CRMP1: variants seen among roughly 807,000 people sequenced by gnomAD.
CRMP1 encodes dihydropyrimidinase-related protein 1.
Under a neutral mutation model 68.3 loss-of-function variants are expected in CRMP1, and 19 were observed. The observed-to-expected ratio is 0.28, with a 90% CI of 0.19 to 0.41. CRMP1 has a LOEUF of 0.41. Ranked by LOEUF, CRMP1 falls within the 10% of genes least tolerant of loss-of-function variation. The pLI is 1.00. For synonymous variants in CRMP1, 439 were observed against 399.6 expected (o/e 1.10, Z -1.18); for missense variants, 791 against 967.4 (o/e 0.82, Z 2.42).
intron 6 of CRMP1, among the ~76,000 whole-genome samples, chr4:5,844,118 C>A (rs527593913): frequency 6.6e-6 from 1 of 152,052 alleles, no homozygotes; most frequent in Non-Finnish European, 1.5e-5. Context: ...CTCAACTGCG[C>A]GTCTATGGTT....
chr4:5,850,383 G>A lies in CRMP1; in HGVS notation c.883-911C>T, dbSNP rs1375284489. The stretch of plus-strand genomic sequence containing the variant: ...GCACATCACATGCTATGTTTTCTAT[G>A]TAACTGAACCAATTTTCAGCTCTTT... On this transcript the variant is annotated intron_variant, in intron 5 of 13. Coordinates refer to ENST00000324989, the MANE Select transcript of CRMP1 (RefSeq NM_001014809.3). This position sits in a 1 kb window ranked among gnomAD's most constrained non-coding sequence, Gnocchi z 4.4. 6.6e-6 allele frequency among the ~76,000 whole-genome samples: 1 copy of A among 152,198 alleles called. No homozygotes were observed. The highest frequency in any genetic ancestry group is 1.5e-5 in the Non-Finnish European group (1 of 68,034).
Position 5,821,604 on chromosome 4 carries a change from C to T in CRMP1, c.*156G>A. 1.4e-6 allele frequency: 1 copy of T among 711,822 alleles called. No homozygotes were observed. The highest frequency in any genetic ancestry group is 2.3e-6 in the Non-Finnish European group (1 of 429,244). 44.1% of individuals were successfully genotyped at this position (711,822 alleles called of 1,614,324 possible). On this transcript the variant is annotated 3_prime_UTR_variant, in exon 14 of 14. Transcript: ENST00000324989. The surrounding 1 kb of genome is among the most constrained non-coding windows in gnomAD (Gnocchi z 4.4). ...CCAAGCAAACACACCACACTAGTACCACTTCTTCCTAAACAGAAAAGGGAA... is the reference window on the plus strand; with the variant it reads ...CCAAGCAAACACACCACACTAGTACTACTTCTTCCTAAACAGAAAAGGGAA...
In CRMP1 at chr4:5,889,909, G is replaced by A; in HGVS notation, c.381+2680C>T. On this transcript the variant is annotated intron_variant, in intron 1 of 13. Transcript: ENST00000324989. The surrounding 1 kb of genome is among the most constrained non-coding windows in gnomAD (Gnocchi z 4.5). ...CAGCTCAGTATCCCAGGAACACTAG[G>A]CATAATTTTCCCATTTTACAGACAG... The A allele has an allele frequency of 7.2e-7, 1 of 1,394,922 alleles. No homozygotes were observed. 86.4% of individuals were successfully genotyped at this position (1,394,922 alleles called of 1,614,324 possible).
chr4:5,830,712 T>C (rs1159530068), intron 11 of CRMP1, among the ~76,000 whole-genome samples: 2 of 152,240 alleles, frequency 1.3e-5, no homozygotes, highest in African/African-American at 2.4e-5. Context: ...TGCAGCTTTA[T>C]GACACGTTTT....
chr4:5,848,520 C>T (rs372005865), intron 6 of CRMP1, among the ~76,000 whole-genome samples: 23 of 152,348 alleles, frequency 1.5e-4, no homozygotes, highest in East Asian at 1.2e-3. Flanking sequence ...AAATTCTCCA[C>T]TCCACAGCTA....
At position 5,834,539 on chromosome 4, in the gene CRMP1, G is replaced by A. The variant is rs1159483419; in HGVS notation, c.1623+1376C>T. Among the ~76,000 whole-genome samples the A allele has an allele frequency of 2.0e-5, 3 of 152,138 alleles. No individual in the cohort carries two copies. The highest frequency in any genetic ancestry group is 4.4e-5 in the Non-Finnish European group (3 of 68,044). On this transcript the variant is annotated intron_variant, in intron 11 of 13. Transcript: ENST00000324989. The surrounding 1 kb of genome is among the most constrained non-coding windows in gnomAD (Gnocchi z 4.3). ...TGAAATTCCCAGCCTCCAGAACCGT[G>A]AGCCACATAAATTTATTTTCTTATA...
chr4:5,849,380 C>G lies in CRMP1; in HGVS notation c.963+12G>C. ...GACTGAGGTAGAAGGAGTGGAAATT[C>G]TTGCCACTCACCTGAGCTATCAAAT... is the stretch of plus-strand genomic sequence containing the variant. On this transcript the variant is annotated intron_variant, in intron 6 of 13. Coordinates refer to ENST00000324989, the MANE Select transcript of CRMP1 (RefSeq NM_001014809.3). 7 of 1,606,570 alleles carry G rather than the reference C, an allele frequency of 4.4e-6. No homozygotes were observed. The highest frequency in any genetic ancestry group is 6.0e-6 in the Non-Finnish European group (7 of 1,173,540).
chr4:5,842,075 T>C lies in CRMP1; in HGVS notation c.1033-647A>G, dbSNP rs1711771721. On this transcript the variant is annotated intron_variant, in intron 7 of 13. Coordinates refer to ENST00000324989, the MANE Select transcript of CRMP1 (RefSeq NM_001014809.3). This position sits in a 1 kb window ranked among gnomAD's most constrained non-coding sequence, Gnocchi z 4.5. ...TAACACGGTGAAACCCTGTCTCTAC[T>C]GAAAATACAAAAAATTAGCCAGTGT... Among the ~76,000 whole-genome samples, 1 of 152,074 alleles carries C rather than the reference T, an allele frequency of 6.6e-6. No homozygotes were observed. Among genetic ancestry groups the C allele is most frequent in the African/African-American group, 2.4e-5 (1 of 41,430 alleles).
At chr4:5,849,327 A>C in intron 6 of CRMP1, 65 bp downstream of exon 6, 1 of 1,367,104 alleles carries the variant, frequency 7.3e-7, no homozygotes. Flanking sequence ...ATGCTCTTTT[A>C]TCAAACCTTT....
Position 5,889,861 on chromosome 4 carries a change from AG to A in CRMP1, c.381+2727del. On this transcript the variant is annotated intron_variant, in intron 1 of 13. Coordinates refer to ENST00000324989, the MANE Select transcript of CRMP1 (RefSeq NM_001014809.3). The surrounding 1 kb of genome is among the most constrained non-coding windows in gnomAD (Gnocchi z 4.5). ...ACACCTGGGCCTTAAAATAGAGGTGAGGTTTTAGCTTCACAGAGAAGCCAGC... is the reference window on the plus strand; with the variant it reads ...ACACCTGGGCCTTAAAATAGAGGTGAGTTTTAGCTTCACAGAGAAGCCAGC... 1 of 1,437,570 alleles carries A rather than the reference AG, an allele frequency of 7.0e-7. No individual in the cohort carries two copies. Among genetic ancestry groups the A allele is most frequent in the Non-Finnish European group, 9.1e-7 (1 of 1,098,884 alleles). The allele number at this position is 1,437,570 out of a possible 1,614,324, so 89.1% of individuals were successfully genotyped here. A position where few individuals can be genotyped will look rare whatever the true frequency, so the allele number is the denominator to read the frequency against.
Position 5,870,563 on chromosome 4 carries a change from G to A in CRMP1, c.382-3807C>T, listed in dbSNP as rs932583226. Among the ~76,000 whole-genome samples the A allele has an allele frequency of 1.3e-5, 2 of 152,216 alleles. No individual in the cohort carries two copies. Among genetic ancestry groups the A allele is most frequent in the African/African-American group, 4.8e-5 (2 of 41,462 alleles). On this transcript the variant is annotated intron_variant, in intron 1 of 13. Transcript: ENST00000324989. This position sits in a 1 kb window ranked among gnomAD's most constrained non-coding sequence, Gnocchi z 6.0. Reference sequence around the variant, plus strand: ...TCTCCGGCATCTTGGACACAGCCTGGCTGGCTGCCTGGGTGACTGAACTGA... The same window carrying A: ...TCTCCGGCATCTTGGACACAGCCTGACTGGCTGCCTGGGTGACTGAACTGA...
rs1038637993 is a variant in CRMP1 at position 5,825,396 on chromosome 4, G to A, written c.1969+98C>T. ...ACTCCCTTCCCTGCTTCTTCATCTA[G>A]TGTCCAAGGCCACGTGTCCATTTCC... On this transcript the variant is annotated intron_variant, in intron 13 of 13. Coordinates refer to ENST00000324989, the MANE Select transcript of CRMP1 (RefSeq NM_001014809.3). This position sits in a 1 kb window ranked among gnomAD's most constrained non-coding sequence, Gnocchi z 4.4. The A allele has an allele frequency of 6.8e-6, 10 of 1,470,454 alleles. No homozygotes were observed. In the African/African-American group the frequency reaches 1.5e-4, roughly 21 times the overall value. The allele number at this position is 1,470,454 out of a possible 1,614,324, so 91.1% of individuals were successfully genotyped here.
intron 1 of CRMP1, among the ~76,000 whole-genome samples, chr4:5,868,265 A>ATATCTATATATC (rs1553907501): frequency 1.6e-4 from 2 of 12,822 alleles, no homozygotes; most frequent in Non-Finnish European, 4.6e-4. Flanking sequence ...ATATATCTAT[A>ATATCTATATATC]TATATATATA....
chr4:5,891,553 T>C lies in CRMP1; in HGVS notation c.381+1036A>G, dbSNP rs1301932861. 6.6e-6 allele frequency among the ~76,000 whole-genome samples: 1 copy of C among 152,242 alleles called. No individual in the cohort carries two copies. The highest frequency in any genetic ancestry group is 1.9e-4 in the East Asian group (1 of 5,188). On this transcript the variant is annotated intron_variant, in intron 1 of 13. Coordinates refer to ENST00000324989, the MANE Select transcript of CRMP1 (RefSeq NM_001014809.3). The surrounding 1 kb of genome is among the most constrained non-coding windows in gnomAD (Gnocchi z 5.2). ...CTCACAATGAATCCGTCGCTCACCC[T>C]AGCCTGGGAACTTCTGGAGGGTGGG...
At chr4:5,875,753 A>T (rs1431714444) in intron 1 of CRMP1, among the ~76,000 whole-genome samples, 1 of 152,122 alleles carries the variant, frequency 6.6e-6, no homozygotes, top group Non-Finnish European at 1.5e-5. Context: ...ACATGGACAC[A>T]GAGACCGTGA....
rs1719466662 is a variant in CRMP1 at position 5,825,765 on chromosome 4, C to T, written c.1804-106G>A. On this transcript the variant is annotated intron_variant, in intron 12 of 13. Transcript: ENST00000324989. This position sits in a 1 kb window ranked among gnomAD's most constrained non-coding sequence, Gnocchi z 4.4. Reference sequence around the variant, plus strand: ...GCGAGAGAGAAACCTGAGGTCACTTCAAATGTGCATGCACACACACACACA... The same window carrying T: ...GCGAGAGAGAAACCTGAGGTCACTTTAAATGTGCATGCACACACACACACA... The T allele has an allele frequency of 2.6e-6, 3 of 1,132,488 alleles. No homozygotes were observed. The highest frequency in any genetic ancestry group is 2.0e-4 in the Middle Eastern group (1 of 5,012). The allele number at this position is 1,132,488 out of a possible 1,614,324, so 70.2% of individuals were successfully genotyped here.
In CRMP1 at chr4:5,892,548, G is replaced by A; in HGVS notation, c.381+41C>T. On this transcript the variant is annotated intron_variant, in intron 1 of 13. Transcript: ENST00000324989. This position sits in a 1 kb window ranked among gnomAD's most constrained non-coding sequence, Gnocchi z 8.6. ...GCCCCATGCCCTGGGTCCTCCCGGGGCCCGCCCCCCTCGTCTGGCCCGCGC... is the reference window on the plus strand; with the variant it reads ...GCCCCATGCCCTGGGTCCTCCCGGGACCCGCCCCCCTCGTCTGGCCCGCGC... 2 of 1,167,594 alleles carry A rather than the reference G, an allele frequency of 1.7e-6. No individual in the cohort carries two copies. 72.3% of individuals were successfully genotyped at this position (1,167,594 alleles called of 1,614,324 possible). A position where few individuals can be genotyped will look rare whatever the true frequency, so the allele number is the denominator to read the frequency against.
At chr4:5,885,852 G>C (rs1715548628) in intron 1 of CRMP1, among the ~76,000 whole-genome samples, 1 of 148,340 alleles carries the variant, frequency 6.7e-6, no homozygotes, top group Non-Finnish European at 1.5e-5. Flanking sequence ...ACAAGTTAAT[G>C]CAAACCCACT....
chr4:5,822,077 G>C (rs893197756), intron 13 of CRMP1, among the ~76,000 whole-genome samples: 1 of 152,220 alleles, frequency 6.6e-6, no homozygotes, highest in South Asian at 2.1e-4. Context: ...TGACCACCTT[G>C]TGGTGTTCTT....
Sources: gnomAD v4.1 joint callset for allele counts (sites outside exome capture counted in the v4.1 genomes callset) on GRCh38, gnomAD v4.1.1 for gene constraint, Gnocchi (gnomAD v3.1) non-coding constraint, MANE v1.5 for transcripts, NCBI Gene and HGNC (gene_info 2026-07-23, HGNC 2026-07-21) for gene names.